MYO15B: variants seen among roughly 807,000 people sequenced by gnomAD.
The protein encoded by MYO15B is myosin XVB.
MYO15B carries 207 observed loss-of-function variants against 119.3 expected under a neutral mutation model. The ratio of observed to expected loss-of-function variants is 1.73; its 90% CI spans 1.55 to 1.95. The LOEUF (loss-of-function observed/expected upper bound fraction) is 1.95, where lower values mean the gene tolerates loss of function less well. MYO15B is among the 30% of genes most tolerant of loss of function. MYO15B has a pLI of 0.00. For missense variants in MYO15B, 2,264 were observed against 1,203.1 expected (o/e 1.88, Z -13.04); for synonymous variants, 966 against 498.9 (o/e 1.94, Z -12.48).
chr17:75,596,778 G>A (rs562219715), exon 14 of MYO15B: 68 of 699,328 alleles, frequency 9.7e-5, no homozygotes, highest in African/African-American at 6.8e-4. Flanking sequence ...GAGGAGTGTC[G>A]GCGGGAGTTG....
At chr17:75,619,265 C>A (rs958487038) in intron 44 of MYO15B, 47 bp downstream of exon 44, 6 of 702,532 alleles carry the variant, frequency 8.5e-6, no homozygotes, top group African/African-American at 1.7e-5. Flanking sequence ...TGCTGGGGGC[C>A]GCGCCTGCCC....
exon 20 of MYO15B, chr17:75,605,588 C>T (rs777875616): frequency 9.7e-5 from 68 of 702,710 alleles, no homozygotes; most frequent in Non-Finnish European, 1.4e-4. Context: ...TGCTGGGGGC[C>T]GAATCACCTC....
At chr17:75,601,291 G>A (rs1459672224) in intron 14 of MYO15B, 147 bp from the exon 15 acceptor site, 6 of 581,164 alleles carry the variant, frequency 1.0e-5, no homozygotes, top group East Asian at 2.9e-5. Context: ...CGACCACCTC[G>A]GCCTCCCAAA....
exon 38 of MYO15B, chr17:75,616,364 C>A (rs1412482784): frequency 1.1e-5 from 7 of 613,630 alleles, no homozygotes; most frequent in African/African-American, 1.1e-4. Context: ...AGGTCCACAT[C>A]CCCCAGGGGG....
intron 51 of MYO15B, 21 bp downstream of exon 51, chr17:75,621,429 G>T: frequency 4.3e-6 from 3 of 699,410 alleles, no homozygotes. Flanking sequence ...GGCAGGGAGG[G>T]GTCTGGCCCG....
chr17:75,591,701 C>G, exon 5 of MYO15B: 1 of 702,966 alleles, frequency 1.4e-6, no homozygotes. Context: ...GACGGGGAAC[C>G]GAGAGTGTCA....
chr17:75,612,085 C>G, intron 25 of MYO15B, 69 bp downstream of exon 25: 1 of 679,040 alleles, frequency 1.5e-6, no homozygotes, highest in Non-Finnish European at 2.7e-6. Context: ...CTGACAGATG[C>G]TGCGTTTTTT....
exon 46 of MYO15B, chr17:75,619,783 A>G: frequency 1.4e-6 from 1 of 702,824 alleles, no homozygotes. Context: ...CCAGCTGAAG[A>G]TTCTCTGCTC....
exon 1 of MYO15B, chr17:75,588,532 T>C (rs2093490975): frequency 5.0e-6 from 2 of 398,442 alleles, no homozygotes; most frequent in Admixed American, 4.4e-5. Context: ...AGGCAGCTCC[T>C]GTCCGGACAG....
chr17:75,599,531 C>T (rs909121193), intron 14 of MYO15B, among the ~76,000 whole-genome samples: 1 of 151,986 alleles, frequency 6.6e-6, no homozygotes, highest in African/African-American at 2.4e-5. Flanking sequence ...GTGAGCCACC[C>T]ACCTCAGCCT....
In MYO15B at chr17:75,589,881, T is replaced by A; in HGVS notation, c.1824T>A (p.Thr608=). The change falls in exon 1 of 64, where the codon ACT becomes ACA. Residue 608 remains threonine, a synonymous_variant. Transcript: ENST00000645453. The surrounding 1 kb of genome is among the most constrained non-coding windows in gnomAD (Gnocchi z 4.2). ...GTCGCGGCTCCCTCCTTGCCCCGAC[T>A]GCACCCGACGGGCCTTCCCTCGACG... The A allele has an allele frequency of 2.5e-6, 1 of 398,580 alleles. No homozygotes were observed. Among genetic ancestry groups the A allele is most frequent in the Non-Finnish European group, 4.4e-6 (1 of 225,962 alleles). The allele number at this position is 398,580 out of a possible 1,614,324, so 24.7% of individuals were successfully genotyped here.
rs2058936887 is a variant in MYO15B, at chr17:75,624,924, T to G, written c.8688+8T>G. ...AGCACCCACTACAGCCAGGTCAGCC[T>G]GCCTGCCTCCGAGCTGCTGCTGCAG... On this transcript the variant is annotated splice_region_variant and intron_variant, in intron 59 of 63. Transcript: ENST00000645453. The G allele has an allele frequency of 1.4e-6, 1 of 701,888 alleles. No homozygotes were observed. The highest frequency in any genetic ancestry group is 1.7e-5 in the African/African-American group (1 of 57,266). 43.5% of individuals were successfully genotyped at this position (701,888 alleles called of 1,614,324 possible).
rs1336505761 is a variant in MYO15B at position 75,589,643 on chromosome 17, G to T, written c.1586G>T (p.Gly529Val). 1 of 398,940 alleles carries T rather than the reference G, an allele frequency of 2.5e-6. No homozygotes were observed. The highest frequency in any genetic ancestry group is 4.4e-5 in the Admixed American group (1 of 22,740). The allele number at this position is 398,940 out of a possible 1,614,324, so 24.7% of individuals were successfully genotyped here. A position where few individuals can be genotyped will look rare whatever the true frequency, so the allele number is the denominator to read the frequency against. ...CAGGTCCCGACAAGCCCAGTCCCCG[G>T]CGACCCTTTTGATCAGGAGGACGAG... Residue 529 changes from glycine (G) to valine (V), a missense_variant, in exon 1 of 64, where the codon GGC becomes GTC. Gly to Val is a moderately radical substitution (Grantham distance 109). Coordinates refer to ENST00000645453, the Ensembl canonical transcript of MYO15B. The surrounding 1 kb of genome is among the most constrained non-coding windows in gnomAD (Gnocchi z 4.2).
chr17:75,616,525 G>A, exon 39 of MYO15B: 2 of 702,246 alleles, frequency 2.8e-6, no homozygotes, highest in Non-Finnish European at 2.6e-6. Flanking sequence ...CCTGGTCAGT[G>A]CCGTCCCCTC....
intron 23 of MYO15B, 36 bp downstream of exon 23, chr17:75,610,995 G>A (rs1426978877): frequency 4.3e-6 from 3 of 702,780 alleles, no homozygotes; most frequent in East Asian, 5.4e-5. Context: ...TTTACATGGG[G>A]CTATGAACCT....
At chr17:75,594,815 G>T (rs1322090264) in intron 11 of MYO15B, 25 bp from the exon 12 acceptor site, 8 of 702,572 alleles carry the variant, frequency 1.1e-5, no homozygotes, top group African/African-American at 7.0e-5. Flanking sequence ...GCTCTATGTG[G>T]CTCACCCACC....
exon 14 of MYO15B, chr17:75,596,777 C>T (rs934146176): frequency 1.9e-5 from 13 of 698,636 alleles, no homozygotes; most frequent in Admixed American, 1.0e-4. Context: ...GGAGGAGTGT[C>T]GGCGGGAGTT....
chr17:75,608,801 TC>T (rs1598824062), intron 21 of MYO15B, among the ~76,000 whole-genome samples: 2 of 152,148 alleles, frequency 1.3e-5, no homozygotes, highest in South Asian at 2.1e-4. Context: ...TGGCTTGGTC[TC>T]AGCTCAATAC....
At chr17:75,619,120 T>C (rs1293821909) in intron 43 of MYO15B, 23 bp from the exon 44 acceptor site, 1 of 702,692 alleles carries the variant, frequency 1.4e-6, no homozygotes, top group Non-Finnish European at 2.6e-6. Context: ...GACCTGGTGG[T>C]GACCACCTCG....
Sources: gnomAD v4.1 joint callset for allele counts (sites outside exome capture counted in the v4.1 genomes callset) on GRCh38, gnomAD v4.1.1 for gene constraint, Gnocchi (gnomAD v3.1) non-coding constraint, MANE v1.5 for transcripts, NCBI Gene and HGNC (gene_info 2026-07-23, HGNC 2026-07-21) for gene names.